CSNK1G1: variants seen among roughly 807,000 people sequenced by gnomAD.
CSNK1G1 encodes the protein casein kinase 1 gamma 1.
Under a neutral mutation model 59.6 loss-of-function variants are expected in CSNK1G1, and 22 were observed. That is an observed-to-expected ratio of 0.37 (90% CI 0.26 to 0.53). CSNK1G1 has a LOEUF of 0.53. Ranked by LOEUF, CSNK1G1 falls within the 20% of genes least tolerant of loss-of-function variation. The probability of loss-of-function intolerance (pLI) is 0.89; values close to 1 mark genes in which losing one functional copy is unlikely to be tolerated. For synonymous variants in CSNK1G1, 179 were observed against 177.1 expected (o/e 1.01, Z -0.08); for missense variants, 384 against 519.5 (o/e 0.74, Z 2.54).
chr15:64,200,015 C>T lies in CSNK1G1; in HGVS notation c.1107+3067G>A, dbSNP rs2082088086. Among the ~76,000 whole-genome samples the T allele has an allele frequency of 6.6e-6, 1 of 152,244 alleles. No individual in the cohort carries two copies. The highest frequency in any genetic ancestry group is 1.5e-5 in the Non-Finnish European group (1 of 68,010). ...ATTGCAGCACTTTGTGAGGCTGAGGCAGGTGGATCACCTGAGGTTAGGAGT... is the reference window on the plus strand; with the variant it reads ...ATTGCAGCACTTTGTGAGGCTGAGGTAGGTGGATCACCTGAGGTTAGGAGT... On this transcript the variant is annotated intron_variant, in intron 10 of 11. Coordinates refer to ENST00000303052, the MANE Select transcript of CSNK1G1 (RefSeq NM_022048.5). The surrounding 1 kb of genome is among the most constrained non-coding windows in gnomAD (Gnocchi z 4.3).
intron 1 of CSNK1G1, among the ~76,000 whole-genome samples, chr15:64,302,916 A>T: frequency 6.6e-6 from 1 of 152,152 alleles, no homozygotes. Flanking sequence ...TGTTTTTTCC[A>T]ACAGATGGAT....
At chr15:64,254,953 T>C (rs1181593710) in intron 3 of CSNK1G1, among the ~76,000 whole-genome samples, 1 of 152,252 alleles carries the variant, frequency 6.6e-6, no homozygotes, top group Non-Finnish European at 1.5e-5. Context: ...TGATCCACTC[T>C]GAATTAATTG....
chr15:64,252,643 T>C (rs2140320397), intron 3 of CSNK1G1, among the ~76,000 whole-genome samples: 1 of 152,354 alleles, frequency 6.6e-6, no homozygotes, highest in East Asian at 1.9e-4. Flanking sequence ...ACAATGCTTT[T>C]AGGAACATCC....
chr15:64,299,514 C>T lies in CSNK1G1; in HGVS notation c.181+805G>A, dbSNP rs560794385. On this transcript the variant is annotated intron_variant, in intron 2 of 11. Transcript: ENST00000303052. The stretch of plus-strand genomic sequence containing the variant: ...GGTTGAGGCAGGAGAATGGCATGAA[C>T]CCGGGAGGCAGAGCTTGCAGTGAGC... Among the ~76,000 whole-genome samples, 29 of 151,934 alleles carry T rather than the reference C, an allele frequency of 1.9e-4. 1 individual carries two copies. The East Asian group carries it at 2.1e-3, about 11-fold the overall frequency.
intron 1 of CSNK1G1, among the ~76,000 whole-genome samples, chr15:64,323,346 T>C (rs1303413793): frequency 6.6e-6 from 1 of 152,070 alleles, no homozygotes; most frequent in Admixed American, 6.6e-5. Flanking sequence ...TCTCAAAAAA[T>C]TATTTAATTA....
chr15:64,181,368 G>A, intron 10 of CSNK1G1: 1 of 1,535,954 alleles, frequency 6.5e-7, no homozygotes. Context: ...TTATGTGGGT[G>A]CTGGGAAGTG....
chr15:64,303,757 A>G (rs986741537), intron 1 of CSNK1G1, among the ~76,000 whole-genome samples: 2 of 149,176 alleles, frequency 1.3e-5, no homozygotes, highest in Non-Finnish European at 3.0e-5. Flanking sequence ...TCTCAAGAAA[A>G]AAAAAAAAAA....
chr15:64,225,296 T>G (rs1364232090), intron 4 of CSNK1G1, among the ~76,000 whole-genome samples: 1 of 152,064 alleles, frequency 6.6e-6, no homozygotes, highest in African/African-American at 2.4e-5. Flanking sequence ...ACAGTAAACC[T>G]AAGGCCAACC....
At chr15:64,339,606 G>A (rs1276436168) in intron 1 of CSNK1G1, among the ~76,000 whole-genome samples, 1 of 152,160 alleles carries the variant, frequency 6.6e-6, no homozygotes, top group Non-Finnish European at 1.5e-5. Context: ...AGCCCAGCCA[G>A]CAATCTGTGT....
chr15:64,332,790 CA>C (rs1447552076), intron 1 of CSNK1G1, among the ~76,000 whole-genome samples: 1 of 150,006 alleles, frequency 6.7e-6, no homozygotes, highest in Non-Finnish European at 1.5e-5. Flanking sequence ...CTCATATAAG[CA>C]AAATATCTTA....
chr15:64,211,771 G>A (rs1054863477), intron 6 of CSNK1G1, among the ~76,000 whole-genome samples: 7 of 152,124 alleles, frequency 4.6e-5, no homozygotes, highest in South Asian at 2.1e-4. Flanking sequence ...AAGAAAGAGC[G>A]CCAGGATTTG....
intron 9 of CSNK1G1, 48 bp from the exon 10 acceptor site, chr15:64,203,237 G>A: frequency 8.8e-7 from 1 of 1,141,880 alleles, no homozygotes; most frequent in East Asian, 2.4e-5. Context: ...GGTCCAACTT[G>A]ATGCATATGC....
At position 64,200,357 on chromosome 15, in the gene CSNK1G1, CTT is replaced by C. The variant is rs968195270; in HGVS notation, c.1107+2723_1107+2724del. Among the ~76,000 whole-genome samples, 3 of 152,048 alleles carry C rather than the reference CTT, an allele frequency of 2.0e-5. No individual in the cohort carries two copies. Among genetic ancestry groups the C allele is most frequent in the Admixed American group, 6.6e-5 (1 of 15,254 alleles). On this transcript the variant is annotated intron_variant, in intron 10 of 11. Transcript: ENST00000303052. The surrounding 1 kb of genome is among the most constrained non-coding windows in gnomAD (Gnocchi z 4.3). Reference sequence around the variant, plus strand: ...TTGTTTTTTGAGATGGAGTTTCTCTCTTGTTGCCCAGGCTGGAGTGCAGTGGT... The same window carrying C: ...TTGTTTTTTGAGATGGAGTTTCTCTCGTTGCCCAGGCTGGAGTGCAGTGGT...
intron 1 of CSNK1G1, among the ~76,000 whole-genome samples, chr15:64,317,762 T>A (rs772231830): frequency 1.3e-5 from 2 of 152,220 alleles, no homozygotes; most frequent in Admixed American, 6.5e-5. Context: ...TCTCCCGAAG[T>A]GCTGGGATTA....
intron 4 of CSNK1G1, among the ~76,000 whole-genome samples, chr15:64,217,584 C>T (rs1257189974): frequency 6.6e-6 from 1 of 152,082 alleles, no homozygotes; most frequent in Non-Finnish European, 1.5e-5. Flanking sequence ...CTTTGGGAGG[C>T]TGAGGTGAGT....
At chr15:64,261,627 A>C (rs113551874) in intron 2 of CSNK1G1, among the ~76,000 whole-genome samples, 2,310 of 151,974 alleles carry the variant, frequency 0.015, 54 homozygotes, top group African/African-American at 0.046. Context: ...AAAAAACAAA[A>C]CAAAACCAAC....
intron 10 of CSNK1G1, chr15:64,181,265 C>T: frequency 6.5e-7 from 1 of 1,536,068 alleles, no homozygotes; most frequent in Non-Finnish European, 8.7e-7. Context: ...GGCTCTCACT[C>T]CTGTCATCTG....
In CSNK1G1 at chr15:64,176,158, C is replaced by A. The variant is rs2081739144; in HGVS notation, c.1215-4173G>T. Reference sequence around the variant, plus strand: ...TCAGGGTGGTTATGGCACAAGGAGTCCTATGGAAGCTATTTAATGTTCCTA... The same window carrying A: ...TCAGGGTGGTTATGGCACAAGGAGTACTATGGAAGCTATTTAATGTTCCTA... On this transcript the variant is annotated intron_variant, in intron 11 of 11. Coordinates refer to ENST00000303052, the MANE Select transcript of CSNK1G1 (RefSeq NM_022048.5). This position sits in a 1 kb window ranked among gnomAD's most constrained non-coding sequence, Gnocchi z 5.2. 1.5e-5 allele frequency: 6 copies of A among 398,168 alleles called. No individual in the cohort carries two copies. The highest frequency in any genetic ancestry group is 1.3e-4 in the South Asian group (1 of 7,702). The allele number at this position is 398,168 out of a possible 1,614,324, so 24.7% of individuals were successfully genotyped here. A position where few individuals can be genotyped will look rare whatever the true frequency, so the allele number is the denominator to read the frequency against.
intron 1 of CSNK1G1, among the ~76,000 whole-genome samples, chr15:64,346,885 C>A (rs978544400): frequency 5.9e-5 from 9 of 152,060 alleles, no homozygotes; most frequent in Non-Finnish European, 1.0e-4. Context: ...AAGCCATAGA[C>A]TGGAAAAAAT....
Sources: allele counts gnomAD v4.1 joint callset (sites outside exome capture counted in the v4.1 genomes callset), GRCh38; gene constraint gnomAD v4.1.1; non-coding constraint Gnocchi (gnomAD v3.1); transcripts MANE v1.5; gene names NCBI Gene and HGNC (gene_info 2026-07-23, HGNC 2026-07-21).